The following ZCWPW1 variants were observed in gnomAD, a reference collection of about 807,000 sequenced individuals.
ZCWPW1 encodes the protein zinc finger CW-type and PWWP domain containing 1.
A neutral mutation model predicts 81.3 loss-of-function variants in ZCWPW1; 56 were observed. The ratio of observed to expected loss-of-function variants is 0.69; its 90% CI spans 0.56 to 0.86. The LOEUF (loss-of-function observed/expected upper bound fraction) is 0.86, where lower values mean the gene tolerates loss of function less well. Among genes scored for constraint, ZCWPW1 ranks in the 40% least tolerant of loss-of-function variants. The pLI, the probability that ZCWPW1 is intolerant of heterozygous loss-of-function variation, is 0.00. For synonymous variants in ZCWPW1, 250 were observed against 273.7 expected, an observed-to-expected ratio of 0.91 and a Z score of 0.86; for missense variants, 650 against 769.8, an observed-to-expected ratio of 0.84 and a Z score of 1.84.
chr7:100,409,285 G>A (rs1793708349), intron 9 of ZCWPW1, 143 bp downstream of exon 9: 6 of 647,308 alleles, frequency 9.3e-6, no homozygotes, highest in Non-Finnish European at 7.9e-6. Flanking sequence ...CCATATGAGA[G>A]GCAGATCCTT....
At chr7:100,416,284 A>C (rs746743742) in intron 7 of ZCWPW1, 21 bp downstream of exon 7, 1 of 1,611,178 alleles carries the variant, frequency 6.2e-7, no homozygotes. Context: ...CAGGCTTCAA[A>C]GTATATCTGA....
In ZCWPW1 at chr7:100,413,315, C is replaced by T. The variant is rs956646792; in HGVS notation, c.754+2660G>A. 3.9e-5 allele frequency among the ~76,000 whole-genome samples: 6 copies of T among 152,362 alleles called. No individual in the cohort carries two copies. In the South Asian group the frequency reaches 8.3e-4, roughly 21 times the overall value. On this transcript the variant is annotated intron_variant, in intron 8 of 17. Transcript: ENST00000684423. ...CCAGAGCCACGTTCCCAACTTGCCT[C>T]CCCTTGCTCTCTGAGCTCCGCAATC... is the stretch of plus-strand genomic sequence containing the variant.
At chr7:100,414,322 T>C (rs1325741194) in intron 8 of ZCWPW1, among the ~76,000 whole-genome samples, 1 of 152,240 alleles carries the variant, frequency 6.6e-6, no homozygotes, top group Non-Finnish European at 1.5e-5. Context: ...TATTCCACTG[T>C]TTCTTAAAGT....
Position 100,401,964 on chromosome 7 carries a change from T to C in ZCWPW1, c.1552A>G (p.Arg518Gly). ...GGTGCAGGAGGAGCTGTGGATTTCC[T>C]GCCTAGAGATCTCTTCATTATCTTC... ...QRKIMKRSLG[R>G]KSTAPPAPRM... The change falls in exon 17 of 18, where the codon AGG becomes GGG. Residue 518 changes from arginine (R) to glycine (G), a missense_variant. Arg to Gly is a moderately radical substitution (Grantham distance 125). Coordinates refer to ENST00000684423, the MANE Select transcript of ZCWPW1 (RefSeq NM_001386010.1). 3 of 1,614,210 alleles carry C rather than the reference T, an allele frequency of 1.9e-6. No homozygotes were observed. Among genetic ancestry groups the C allele is most frequent in the Non-Finnish European group, 2.5e-6 (3 of 1,180,040 alleles).
chr7:100,411,895 G>C (rs967706855), intron 8 of ZCWPW1, among the ~76,000 whole-genome samples: 3 of 152,166 alleles, frequency 2.0e-5, no homozygotes, highest in African/African-American at 7.2e-5. Context: ...TAAAGGAGAA[G>C]ATAATGTGCT....
In ZCWPW1 at chr7:100,415,868, A is replaced by G. The variant is rs1563140884; in HGVS notation, c.754+107T>C. On this transcript the variant is annotated intron_variant, in intron 8 of 17. Coordinates refer to ENST00000684423, the MANE Select transcript of ZCWPW1 (RefSeq NM_001386010.1). The stretch of plus-strand genomic sequence containing the variant: ...ATATTCTGCAACAAGCAGCTGTGAG[A>G]GATTGACTATATTCTTTGCAGAGGT... 3 of 1,401,352 alleles carry G rather than the reference A, an allele frequency of 2.1e-6. No individual in the cohort carries two copies. The East Asian group carries it at 6.9e-5, about 32-fold the overall frequency. 86.8% of individuals were successfully genotyped at this position (1,401,352 alleles called of 1,614,324 possible).
intron 2 of ZCWPW1, among the ~76,000 whole-genome samples, chr7:100,424,617 AC>A (rs1317911702): frequency 2.0e-5 from 3 of 151,650 alleles, no homozygotes; most frequent in East Asian, 1.9e-4. Context: ...GCGCACCACC[AC>A]CCCCAGCTAA....
At chr7:100,408,419 T>C (rs1793502827) in intron 10 of ZCWPW1, 120 bp downstream of exon 10, 2 of 1,363,916 alleles carry the variant, frequency 1.5e-6, no homozygotes, top group Non-Finnish European at 2.0e-6. Flanking sequence ...TCTCACCCCA[T>C]GCTCTTTCTA....
At chr7:100,419,588 A>C (rs979121382) in intron 4 of ZCWPW1, 42 bp downstream of exon 4, 1 of 1,570,438 alleles carries the variant, frequency 6.4e-7, no homozygotes, top group Non-Finnish European at 8.6e-7. Flanking sequence ...GGGGTAAGGT[A>C]TGAGAAAATC....
chr7:100,415,853 A>G lies in ZCWPW1; in HGVS notation c.754+122T>C, dbSNP rs762051116. The G allele has an allele frequency of 5.7e-4, 746 of 1,303,768 alleles. 1 individual carries two copies. Among genetic ancestry groups the G allele is most frequent in the Non-Finnish European group, 7.6e-4 (719 of 945,360 alleles). The allele number at this position is 1,303,768 out of a possible 1,614,324, so 80.8% of individuals were successfully genotyped here. A position where few individuals can be genotyped will look rare whatever the true frequency, so the allele number is the denominator to read the frequency against. On this transcript the variant is annotated intron_variant, in intron 8 of 17. Transcript: ENST00000684423. ...TATTCTTTCGGCAGCATATTCTGCA[A>G]CAAGCAGCTGTGAGAGATTGACTAT...
chr7:100,412,098 G>C (rs1240891876), intron 8 of ZCWPW1, among the ~76,000 whole-genome samples: 1 of 151,866 alleles, frequency 6.6e-6, no homozygotes, highest in African/African-American at 2.4e-5. Flanking sequence ...TCCTTTGCTG[G>C]GTTCTCTTCG....
Position 100,403,789 on chromosome 7 carries a change from G to C in ZCWPW1, c.1322-4C>G, listed in dbSNP as rs747389347. ...TTCAAACCAGAGAGCTGTAAGTCTA[G>C]AACAGGAAAAGGAAGGAAAGGCTAA... On this transcript the variant is annotated splice_polypyrimidine_tract_variant and splice_region_variant and intron_variant, in intron 14 of 17. Transcript: ENST00000684423. The C allele has an allele frequency of 1.8e-5, 29 of 1,613,142 alleles. No individual in the cohort carries two copies. The highest frequency in any genetic ancestry group is 2.4e-5 in the Non-Finnish European group (28 of 1,179,552).
At chr7:100,416,612 C>T (rs971105097) in intron 6 of ZCWPW1, among the ~76,000 whole-genome samples, 156 bp from the exon 7 acceptor site, 1 of 152,166 alleles carries the variant, frequency 6.6e-6, no homozygotes, top group Non-Finnish European at 1.5e-5. Flanking sequence ...TTTTTCCCAA[C>T]TCAAACAGGT....
At chr7:100,426,739 C>A (rs1266320388) in intron 1 of ZCWPW1, among the ~76,000 whole-genome samples, 6 of 130,940 alleles carry the variant, frequency 4.6e-5, no homozygotes, top group Non-Finnish European at 9.7e-5. Context: ...ATCCCTTCCT[C>A]CCCCTCCTTC....
At position 100,415,116 on chromosome 7, in the gene ZCWPW1, C is replaced by T. The variant is rs796821076; in HGVS notation, c.754+859G>A. Among the ~76,000 whole-genome samples, 385 of 129,026 alleles carry T rather than the reference C, an allele frequency of 3.0e-3. 4 individuals are homozygous for T. The highest frequency in any genetic ancestry group is 0.01 in the African/African-American group (365 of 34,772). 84.6% of individuals were successfully genotyped at this position (129,026 alleles called of 152,430 possible). On this transcript the variant is annotated intron_variant, in intron 8 of 17. Coordinates refer to ENST00000684423, the MANE Select transcript of ZCWPW1 (RefSeq NM_001386010.1). ...TTTTTTTTTTTTAGACAGAGTCTCCCTTTGTTGCCCAGGCTGGAGTGCAGT... is the reference window on the plus strand; with the variant it reads ...TTTTTTTTTTTTAGACAGAGTCTCCTTTTGTTGCCCAGGCTGGAGTGCAGT...
At chr7:100,413,913 G>A (rs553881469) in intron 8 of ZCWPW1, among the ~76,000 whole-genome samples, 1 of 152,252 alleles carries the variant, frequency 6.6e-6, no homozygotes, top group African/African-American at 2.4e-5. Flanking sequence ...ACAGGAGACA[G>A]AGCAACACAA....
At position 100,409,510 on chromosome 7, in the gene ZCWPW1, T is replaced by G. The variant is rs1325709009; in HGVS notation, c.789A>C (p.Pro263=). Residue 263 remains proline, a synonymous_variant, in exon 9 of 18, where the codon CCA becomes CCC. Coordinates refer to ENST00000684423, the MANE Select transcript of ZCWPW1 (RefSeq NM_001386010.1). ...ACAGCCGCCTCCATTTCCCACAGTT[T>G]GGGAAGGAACACTGGACCCAGACCA... ...QCLVWVQCSF[P]NCGKWRRLCG... 4 of 1,613,946 alleles carry G rather than the reference T, an allele frequency of 2.5e-6. No homozygotes were observed. The East Asian group carries it at 6.7e-5, about 27-fold the overall frequency.
intron 1 of ZCWPW1, among the ~76,000 whole-genome samples, chr7:100,425,339 G>C (rs530515915): frequency 1.3e-5 from 2 of 152,116 alleles, no homozygotes; most frequent in South Asian, 2.1e-4. Context: ...AGGGGCAAAG[G>C]CTTTAAATAA....
In ZCWPW1 at chr7:100,417,277, T is replaced by C. The variant is rs935025642; in HGVS notation, c.362-94A>G. 8 of 924,524 alleles carry C rather than the reference T, an allele frequency of 8.7e-6. No individual in the cohort carries two copies. The Admixed American group carries it at 1.8e-4, about 20-fold the overall frequency. The allele number at this position is 924,524 out of a possible 1,614,324, so 57.3% of individuals were successfully genotyped here. On this transcript the variant is annotated intron_variant, in intron 5 of 17. Coordinates refer to ENST00000684423, the MANE Select transcript of ZCWPW1 (RefSeq NM_001386010.1). The stretch of plus-strand genomic sequence containing the variant: ...TTTTCTCTAAAGTGTCTTCTCCCTG[T>C]AGCCTGAAAGAGCCTACCTGTCATA...
Sources: allele counts gnomAD v4.1 joint callset (sites outside exome capture counted in the v4.1 genomes callset), GRCh38; gene constraint gnomAD v4.1.1; transcripts MANE v1.5; gene names NCBI Gene and HGNC (gene_info 2026-07-23, HGNC 2026-07-21).